YTHDF3: variants seen among roughly 807,000 people sequenced by gnomAD.
The protein encoded by YTHDF3 is YTH domain-containing family protein 3.
A neutral mutation model predicts 52.5 loss-of-function variants in YTHDF3; 9 were observed. The ratio of observed to expected loss-of-function variants is 0.17; its 90% confidence interval spans 0.10 to 0.30. The LOEUF is 0.30. Ranked by LOEUF, YTHDF3 falls within the 10% of genes least tolerant of loss-of-function variation. YTHDF3 has a pLI of 1.00. For missense variants in YTHDF3, 534 were observed against 715.0 expected (o/e 0.75, Z 2.89); for synonymous variants, 274 against 243.3 (o/e 1.13, Z -1.18).
intron 4 of YTHDF3, 83 bp downstream of exon 4, chr8:63,187,828 T>C: frequency 7.0e-7 from 1 of 1,433,184 alleles, no homozygotes; most frequent in Non-Finnish European, 9.2e-7. Context: ...TTTAAGAACT[T>C]TCTGTGAAGG....
At chr8:63,194,414 G>GAT (rs1809105602) in intron 4 of YTHDF3, among the ~76,000 whole-genome samples, 1 of 152,196 alleles carries the variant, frequency 6.6e-6, no homozygotes, top group African/African-American at 2.4e-5. Flanking sequence ...GAACCCGGTA[G>GAT]GCAGAGGTTG....
intron 4 of YTHDF3, among the ~76,000 whole-genome samples, chr8:63,187,997 C>T (rs141035432): frequency 7.9e-5 from 12 of 152,324 alleles, no homozygotes; most frequent in African/African-American, 2.9e-4. Context: ...CATTGGGCCT[C>T]AGTGTTTATC....
chr8:63,185,642 T>C (rs565819004), intron 3 of YTHDF3, among the ~76,000 whole-genome samples: 1 of 152,238 alleles, frequency 6.6e-6, no homozygotes, highest in Non-Finnish European at 1.5e-5. Context: ...TTTTCCTTAA[T>C]GAAAGTACAA....
At chr8:63,180,702 C>T (rs1346052628) in intron 3 of YTHDF3, among the ~76,000 whole-genome samples, 1 of 152,200 alleles carries the variant, frequency 6.6e-6, no homozygotes, top group African/African-American at 2.4e-5. Flanking sequence ...CTGAGTGAAC[C>T]AGACTCCGTC....
At chr8:63,198,175 C>T (rs1173839207) in intron 4 of YTHDF3, among the ~76,000 whole-genome samples, 2 of 152,122 alleles carry the variant, frequency 1.3e-5, no homozygotes, top group African/African-American at 2.4e-5. Flanking sequence ...TATTTTAGTT[C>T]TTTATGCTGT....
Position 63,209,687 on chromosome 8 carries a change from G to C in YTHDF3, c.1739G>C (p.Arg580Thr). 1 of 1,566,126 alleles carries C rather than the reference G, an allele frequency of 6.4e-7. No individual in the cohort carries two copies. Among genetic ancestry groups the C allele is most frequent in the Non-Finnish European group, 8.6e-7 (1 of 1,162,932 alleles). ...QEEEEAMRRE[R>T]NRNKQ is the part of the protein sequence containing the mutation. The stretch of plus-strand genomic sequence containing the variant: ...TGTGTGTTTTTTTTTTTTCAGGAGA[G>C]AAATAGAAACAAACAATAACCGTAT... The change falls in exon 5 of 5, where the codon AGA becomes ACA. Residue 580 changes from arginine (R) to threonine (T), a missense_variant. This residue lies in a region of YTHDF3 where 135 missense variants were observed against 214.2 expected (regional missense o/e 0.63). Coordinates refer to ENST00000539294, the MANE Select transcript of YTHDF3 (RefSeq NM_152758.6).
chr8:63,179,782 C>CCAGTAGGG, intron 3 of YTHDF3, among the ~76,000 whole-genome samples: 1 of 151,126 alleles, frequency 6.6e-6, no homozygotes, highest in South Asian at 2.1e-4. Flanking sequence ...TCCTCACTTC[C>CCAGTAGGG]CAGTAGGGGC....
intron 4 of YTHDF3, among the ~76,000 whole-genome samples, chr8:63,198,957 CAT>C (rs751756638): frequency 2.6e-5 from 4 of 151,900 alleles, no homozygotes; most frequent in Admixed American, 6.6e-5. Context: ...TTTTATGTAA[CAT>C]ATTTAATTAA....
intron 3 of YTHDF3, among the ~76,000 whole-genome samples, chr8:63,180,578 T>C (rs1216112698): frequency 1.3e-5 from 2 of 151,860 alleles, no homozygotes; most frequent in African/African-American, 2.4e-5. Context: ...GGGTGGCGGC[T>C]GGGCAGAGGC....
At chr8:63,201,896 C>CT (rs1809665063) in intron 4 of YTHDF3, among the ~76,000 whole-genome samples, 1 of 152,210 alleles carries the variant, frequency 6.6e-6, no homozygotes, top group East Asian at 1.9e-4. Context: ...CTTTGCTTGA[C>CT]TTTAAGAGCC....
chr8:63,169,284 G>T, intron 1 of YTHDF3, 103 bp from the exon 2 acceptor site: 2 of 1,451,600 alleles, frequency 1.4e-6, no homozygotes, highest in South Asian at 1.2e-5. Flanking sequence ...ACTCCTACGC[G>T]GATAGTCTAA....
At chr8:63,198,196 G>T (rs1182539561) in intron 4 of YTHDF3, among the ~76,000 whole-genome samples, 2 of 151,960 alleles carry the variant, frequency 1.3e-5, no homozygotes, top group Non-Finnish European at 2.9e-5. Flanking sequence ...TACATAGTTG[G>T]CCATTTCTTT....
At chr8:63,173,213 T>TATATATATATATATATATATATAC (rs947970396) in intron 2 of YTHDF3, among the ~76,000 whole-genome samples, 19 of 146,130 alleles carry the variant, frequency 1.3e-4, no homozygotes, top group African/African-American at 4.5e-4. Flanking sequence ...TATATATATA[T>TATATATATATATATATATATATAC]ACAGATAAAT....
At chr8:63,172,784 C>T (rs1379588492) in intron 2 of YTHDF3, 33 of 1,231,390 alleles carry the variant, frequency 2.7e-5, no homozygotes, top group Non-Finnish European at 2.9e-5. Flanking sequence ...GCAGAGGAAA[C>T]AGGCGAAGAA....
chr8:63,205,070 C>A (rs1809933123), intron 4 of YTHDF3, among the ~76,000 whole-genome samples: 1 of 151,990 alleles, frequency 6.6e-6, no homozygotes, highest in Non-Finnish European at 1.5e-5. Context: ...TCCTTCTGGG[C>A]TCATTTCCAT....
At chr8:63,195,933 C>T (rs917003307) in intron 4 of YTHDF3, among the ~76,000 whole-genome samples, 3 of 152,064 alleles carry the variant, frequency 2.0e-5, no homozygotes, top group Non-Finnish European at 4.4e-5. Flanking sequence ...TCCCAAGTAC[C>T]TGTGACTACA....
chr8:63,196,164 T>A (rs985325317), intron 4 of YTHDF3, among the ~76,000 whole-genome samples: 1 of 150,856 alleles, frequency 6.6e-6, no homozygotes, highest in African/African-American at 2.4e-5. Context: ...GGAGGCTGAG[T>A]TTGGAGTACT....
At chr8:63,197,364 T>A (rs1000752194) in intron 4 of YTHDF3, among the ~76,000 whole-genome samples, 1 of 152,242 alleles carries the variant, frequency 6.6e-6, no homozygotes, top group African/African-American at 2.4e-5. Context: ...TATAAAATGC[T>A]GTCTATTGGT....
At position 63,168,765 on chromosome 8, in the gene YTHDF3, AGCGGCG is replaced by A. The variant is rs1314195672; in HGVS notation, c.-107_-102del. 1.3e-6 allele frequency: 2 copies of A among 1,545,084 alleles called. No homozygotes were observed. The highest frequency in any genetic ancestry group is 2.7e-5 in the African/African-American group (2 of 72,754). ...TTTTGGGTTCTCAGCGAACGGCGGCAGCGGCGGCGGCTGGAACAATCACTCGGCCAA... is the reference window on the plus strand; with the variant it reads ...TTTTGGGTTCTCAGCGAACGGCGGCAGCGGCTGGAACAATCACTCGGCCAA... On this transcript the variant is annotated 5_prime_UTR_variant, in exon 1 of 5. Transcript: ENST00000539294.
Sources: gnomAD v4.1 joint callset for allele counts (sites outside exome capture counted in the v4.1 genomes callset) on GRCh38, gnomAD v4.1.1 for gene constraint, gnomAD v4.1.1 regional missense constraint, MANE v1.5 for transcripts, NCBI Gene and HGNC (gene_info 2026-07-23, HGNC 2026-07-21) for gene names.